PCDH11Y: variants seen among roughly 807,000 people sequenced by gnomAD.
The protein encoded by PCDH11Y is protocadherin-11 Y-linked.
For missense variants in PCDH11Y, 12 were observed against 224.8 expected (o/e 0.05, Z 6.05); for synonymous variants, 9 against 83.6 (o/e 0.11, Z 4.87).
At chrY:5,062,704 T>C (rs2563779) in intron 1 of PCDH11Y, among the ~76,000 whole-genome samples, 1 of 33,423 alleles carries the variant, frequency 3.0e-5, no homozygotes, top group African/African-American at 1.2e-4. Flanking sequence ...TTGTTAAATA[T>C]ATCTGTTATT....
At chrY:5,390,779 A>G in intron 2 of PCDH11Y, among the ~76,000 whole-genome samples, 1 of 32,850 alleles carries the variant, frequency 3.0e-5, no homozygotes, top group Non-Finnish European at 7.5e-5. Flanking sequence ...CAAGGATATC[A>G]TTTGCATTAC....
intron 3 of PCDH11Y, among the ~76,000 whole-genome samples, chrY:5,523,980 C>T: frequency 3.1e-5 from 1 of 32,233 alleles, no homozygotes; most frequent in South Asian, 6.9e-4. Context: ...GAAACTCAAG[C>T]GTAATATTTA....
intron 3 of PCDH11Y, among the ~76,000 whole-genome samples, chrY:5,579,896 T>A: frequency 6.6e-5 from 2 of 30,325 alleles, no homozygotes; most frequent in Non-Finnish European, 1.6e-4. Context: ...CTAATAATTA[T>A]AATGAATGCA....
At chrY:5,088,669 G>A (rs2052735735) in intron 1 of PCDH11Y, among the ~76,000 whole-genome samples, 1 of 33,068 alleles carries the variant, frequency 3.0e-5, no homozygotes, top group African/African-American at 1.2e-4. Context: ...AATTCAACTT[G>A]ATACCAAACA....
intron 3 of PCDH11Y, among the ~76,000 whole-genome samples, chrY:5,531,501 G>A (rs2053393343): frequency 3.0e-5 from 1 of 32,951 alleles, no homozygotes. Context: ...CATTTCAAAT[G>A]TATCATGCAG....
chrY:5,693,882 A>G (rs1379761403), intron 4 of PCDH11Y, among the ~76,000 whole-genome samples: 139 of 33,243 alleles, frequency 4.2e-3, no homozygotes, highest in Admixed American at 0.019. Context: ...ACAGGCATGA[A>G]GTGATTAGAC....
At chrY:5,669,472 C>T in intron 4 of PCDH11Y, among the ~76,000 whole-genome samples, 1 of 30,886 alleles carries the variant, frequency 3.2e-5, no homozygotes, top group African/African-American at 1.3e-4. Context: ...TTCAGGCTCA[C>T]CCATATCTGT....
intron 2 of PCDH11Y, among the ~76,000 whole-genome samples, chrY:5,390,941 A>C: frequency 3.1e-5 from 1 of 31,846 alleles, no homozygotes; most frequent in African/African-American, 1.2e-4. Flanking sequence ...CAGTAATATT[A>C]ATATTTAAAT....
intron 3 of PCDH11Y, among the ~76,000 whole-genome samples, chrY:5,503,024 C>T (rs2124688253): frequency 1.8e-4 from 6 of 32,615 alleles, no homozygotes; most frequent in African/African-American, 7.1e-4. Flanking sequence ...TTATTAATCC[C>T]AATTATATTT....
At chrY:5,177,203 T>A in intron 2 of PCDH11Y, among the ~76,000 whole-genome samples, 1 of 33,273 alleles carries the variant, frequency 3.0e-5, no homozygotes, top group South Asian at 6.6e-4. Context: ...ATAACTATAT[T>A]GGAAGGGGAA....
At chrY:5,142,238 A>G (rs2124642694) in intron 2 of PCDH11Y, among the ~76,000 whole-genome samples, 1 of 32,221 alleles carries the variant, frequency 3.1e-5, no homozygotes, top group Admixed American at 2.9e-4. Flanking sequence ...TTAGAATGGC[A>G]ATCACTAAAA....
At chrY:5,597,327 G>GTATATATATACA (rs2053468147) in intron 4 of PCDH11Y, among the ~76,000 whole-genome samples, 3 of 9,470 alleles carry the variant, frequency 3.2e-4, no homozygotes, top group South Asian at 0.048. Flanking sequence ...ATATATGTGT[G>GTATATATATACA]TATATATATA....
chrY:5,732,398 A>G, intron 4 of PCDH11Y, among the ~76,000 whole-genome samples: 6 of 32,754 alleles, frequency 1.8e-4, no homozygotes, highest in African/African-American at 7.2e-4. Context: ...TTGGTGGGAT[A>G]TAAAATTCCT....
chrY:5,504,435 C>A, intron 3 of PCDH11Y, among the ~76,000 whole-genome samples: 1 of 25,417 alleles, frequency 3.9e-5, no homozygotes, highest in Non-Finnish European at 9.3e-5. Flanking sequence ...CTATACAGTT[C>A]TGTCTTCCTT....
chrY:5,565,199 CT>C, intron 3 of PCDH11Y, among the ~76,000 whole-genome samples: 1 of 33,625 alleles, frequency 3.0e-5, no homozygotes, highest in Non-Finnish European at 7.4e-5. Flanking sequence ...GAGCCACAAA[CT>C]TCTGGCATTC....
At chrY:5,305,832 C>T (rs2053089957) in intron 2 of PCDH11Y, among the ~76,000 whole-genome samples, 1 of 31,276 alleles carries the variant, frequency 3.2e-5, no homozygotes, top group Non-Finnish European at 7.7e-5. Flanking sequence ...CTAAAGAGTC[C>T]CCCTCATATT....
intron 2 of PCDH11Y, among the ~76,000 whole-genome samples, chrY:5,494,538 GACACACACAC>G (rs750654504): frequency 3.6e-5 from 1 of 27,781 alleles, no homozygotes; most frequent in African/African-American, 1.4e-4. Flanking sequence ...CACACACACA[GACACACACAC>G]ACACACACAC....
At chrY:5,321,185 T>C in intron 2 of PCDH11Y, among the ~76,000 whole-genome samples, 1 of 32,740 alleles carries the variant, frequency 3.1e-5, no homozygotes, top group African/African-American at 1.2e-4. Flanking sequence ...CTCACAATCA[T>C]GTTGTAAGGA....
At chrY:5,551,749 C>A in intron 3 of PCDH11Y, among the ~76,000 whole-genome samples, 1 of 32,316 alleles carries the variant, frequency 3.1e-5, no homozygotes, top group Non-Finnish European at 7.6e-5. Flanking sequence ...AGAAAGGTAC[C>A]CTTCTTATAC....
Sources: allele counts gnomAD v4.1 joint callset (sites outside exome capture counted in the v4.1 genomes callset), GRCh38; gene constraint gnomAD v4.1.1; transcripts MANE v1.5; gene names NCBI Gene and HGNC (gene_info 2026-07-23, HGNC 2026-07-21).